Variants in ARHGAP10 observed in about 807,000 individuals in gnomAD.
ARHGAP10 encodes Rho GTPase activating protein 10.
In ARHGAP10, 87 loss-of-function variants were observed where a neutral mutation model predicts 108.6. That is an observed-to-expected ratio of 0.80 (90% CI 0.67 to 0.96). The LOEUF (loss-of-function observed/expected upper bound fraction) is 0.96, where lower values mean the gene tolerates loss of function less well. Ranked by LOEUF, ARHGAP10 falls within the 40% of genes least tolerant of loss-of-function variation. The probability of loss-of-function intolerance (pLI) is 0.00; values close to 1 mark genes in which losing one functional copy is unlikely to be tolerated. For synonymous variants in ARHGAP10, 347 were observed against 341.1 expected, an observed-to-expected ratio of 1.02 and a Z score of -0.19; for missense variants, 939 against 954.5, an observed-to-expected ratio of 0.98 and a Z score of 0.21.
intron 3 of ARHGAP10, among the ~76,000 whole-genome samples, chr4:147,841,755 A>G (rs1733423586): frequency 6.6e-6 from 1 of 152,198 alleles, no homozygotes; most frequent in African/African-American, 2.4e-5. Context: ...TAGAAGTTAT[A>G]AAATCAGGCT....
chr4:147,912,743 G>C (rs1208703348), intron 12 of ARHGAP10, among the ~76,000 whole-genome samples: 9 of 139,008 alleles, frequency 6.5e-5, no homozygotes, highest in Admixed American at 6.4e-4. Flanking sequence ...CTACCTGCTG[G>C]GCTCAAGCTA....
intron 10 of ARHGAP10, among the ~76,000 whole-genome samples, chr4:147,902,891 A>G (rs1579180376): frequency 9.6e-6 from 1 of 103,954 alleles, no homozygotes; most frequent in Non-Finnish European, 1.8e-5. Flanking sequence ...TGGCCAGATC[A>G]GGGGGAAGAG....
At position 148,072,148 on chromosome 4, in the gene ARHGAP10, T is replaced by G; in HGVS notation, c.*67T>G. On this transcript the variant is annotated 3_prime_UTR_variant, in exon 23 of 23. Coordinates refer to ENST00000336498, the MANE Select transcript of ARHGAP10 (RefSeq NM_024605.4). ...CCTGCCTGGGGGCAGAGAGCTGTCT[T>G]CCTCCTCCGAGGCTCTGGGCTGCAC... The G allele has an allele frequency of 2.2e-6, 3 of 1,381,746 alleles. No individual in the cohort carries two copies. Among genetic ancestry groups the G allele is most frequent in the Non-Finnish European group, 3.0e-6 (3 of 1,015,394 alleles). 85.6% of individuals were successfully genotyped at this position (1,381,746 alleles called of 1,614,324 possible). A position where few individuals can be genotyped will look rare whatever the true frequency, so the allele number is the denominator to read the frequency against.
chr4:147,943,096 A>G (rs770261230), intron 14 of ARHGAP10, among the ~76,000 whole-genome samples: 5 of 152,248 alleles, frequency 3.3e-5, no homozygotes, highest in Non-Finnish European at 5.9e-5. Context: ...ATCAATTACA[A>G]TAGTTCATGG....
rs142031371 is a variant in ARHGAP10, at chr4:148,020,450, C to G, written c.1717-2813C>G. On this transcript the variant is annotated intron_variant, in intron 18 of 22. Transcript: ENST00000336498. Reference sequence around the variant, plus strand: ...TATTCTTCCTGATGCTCTCCCTCCCCCTGCCCCGCTGACAGGCCCCAGTGT... The same window carrying G: ...TATTCTTCCTGATGCTCTCCCTCCCGCTGCCCCGCTGACAGGCCCCAGTGT... 2.7e-3 allele frequency among the ~76,000 whole-genome samples: 410 copies of G among 152,246 alleles called. 2 individuals carry two copies. The highest frequency in any genetic ancestry group is 9.6e-3 in the African/African-American group (398 of 41,528).
intron 1 of ARHGAP10, among the ~76,000 whole-genome samples, chr4:147,777,046 A>C (rs1439939792): frequency 6.6e-6 from 1 of 152,210 alleles, no homozygotes; most frequent in Non-Finnish European, 1.5e-5. Context: ...TCCTGGCAGC[A>C]GAAAATAACT....
intron 18 of ARHGAP10, among the ~76,000 whole-genome samples, chr4:147,998,789 C>T (rs1323751098): frequency 6.6e-6 from 1 of 152,182 alleles, no homozygotes; most frequent in Non-Finnish European, 1.5e-5. Context: ...TTCAATGAAA[C>T]AGAAATTGTA....
Position 147,866,554 on chromosome 4 carries a change from T to C in ARHGAP10, c.598-158T>C, listed in dbSNP as rs570461397. 13 of 573,088 alleles carry C rather than the reference T, an allele frequency of 2.3e-5. No individual in the cohort carries two copies. The East Asian group carries it at 3.5e-4, about 15-fold the overall frequency. The allele number at this position is 573,088 out of a possible 1,614,324, so 35.5% of individuals were successfully genotyped here. A position where few individuals can be genotyped will look rare whatever the true frequency, so the allele number is the denominator to read the frequency against. ...TATAAAGACCAATTAATAGATAATA[T>C]GTACTTGTGTTTACTTGAATATTAG... On this transcript the variant is annotated intron_variant, in intron 6 of 22. Coordinates refer to ENST00000336498, the MANE Select transcript of ARHGAP10 (RefSeq NM_024605.4).
At chr4:148,025,567 A>G (rs948127347) in intron 19 of ARHGAP10, among the ~76,000 whole-genome samples, 3 of 151,872 alleles carry the variant, frequency 2.0e-5, no homozygotes, top group African/African-American at 7.2e-5. Context: ...ATATTTTGTC[A>G]TAGGCTTTTT....
chr4:147,988,802 C>T (rs1437553508), intron 18 of ARHGAP10, among the ~76,000 whole-genome samples: 1 of 152,212 alleles, frequency 6.6e-6, no homozygotes, highest in African/African-American at 2.4e-5. Context: ...TGCCCCTCAC[C>T]TCAGACTCAT....
chr4:147,837,641 C>CTT (rs1355564479), intron 3 of ARHGAP10, among the ~76,000 whole-genome samples: 3 of 14,716 alleles, frequency 2.0e-4, no homozygotes, highest in Non-Finnish European at 1.3e-3. Context: ...TCTCTGGTCA[C>CTT]TGTTTTTTTT....
chr4:147,918,153 T>TTTTTTTTTA (rs1578687488), intron 13 of ARHGAP10, among the ~76,000 whole-genome samples: 2 of 147,168 alleles, frequency 1.4e-5, no homozygotes, highest in African/African-American at 2.6e-5. Context: ...TTTTTTTTTT[T>TTTTTTTTTA]GAGACAGAGT....
intron 20 of ARHGAP10, among the ~76,000 whole-genome samples, chr4:148,060,404 A>T (rs1055004662): frequency 2.8e-5 from 4 of 142,310 alleles, no homozygotes; most frequent in Non-Finnish European, 6.0e-5. Flanking sequence ...CTTTTGGGAG[A>T]CACTGTGAAA....
chr4:147,872,971 G>A (rs772725812), intron 7 of ARHGAP10, among the ~76,000 whole-genome samples: 2 of 147,222 alleles, frequency 1.4e-5, no homozygotes, highest in South Asian at 2.2e-4. Context: ...AGATCTTGTC[G>A]CAGGAGTTGT....
At chr4:148,057,905 C>T (rs1729429873) in intron 20 of ARHGAP10, among the ~76,000 whole-genome samples, 1 of 152,234 alleles carries the variant, frequency 6.6e-6, no homozygotes, top group Non-Finnish European at 1.5e-5. Flanking sequence ...AGTGGGTCTA[C>T]TCCGAACCTT....
intron 1 of ARHGAP10, among the ~76,000 whole-genome samples, chr4:147,820,293 A>T (rs569050130): frequency 6.6e-6 from 1 of 152,176 alleles, no homozygotes; most frequent in Non-Finnish European, 1.5e-5. Context: ...TTATTTATTT[A>T]CTTTATTATT....
intron 1 of ARHGAP10, among the ~76,000 whole-genome samples, chr4:147,784,001 CATT>C (rs528823005): frequency 2.5e-4 from 34 of 136,826 alleles, no homozygotes; most frequent in African/African-American, 8.1e-4. Flanking sequence ...TTATATAACA[CATT>C]AAATTATTAT....
chr4:148,070,425 A>G (rs976367673), intron 22 of ARHGAP10, among the ~76,000 whole-genome samples: 1 of 152,222 alleles, frequency 6.6e-6, no homozygotes, highest in African/African-American at 2.4e-5. Flanking sequence ...AGACAGCCGG[A>G]ATGTGTTCCT....
intron 1 of ARHGAP10, among the ~76,000 whole-genome samples, chr4:147,780,030 A>G (rs1730465477): frequency 6.6e-6 from 1 of 152,182 alleles, no homozygotes; most frequent in African/African-American, 2.4e-5. Flanking sequence ...TTTTTCTGGA[A>G]GTTACTAATT....
Sources: gnomAD v4.1 joint callset for allele counts (sites outside exome capture counted in the v4.1 genomes callset) on GRCh38, gnomAD v4.1.1 for gene constraint, MANE v1.5 for transcripts, NCBI Gene and HGNC (gene_info 2026-07-23, HGNC 2026-07-21) for gene names.